The following AAAS variants were observed in gnomAD, a reference collection of about 807,000 sequenced individuals.
AAAS encodes aladin WD repeat nucleoporin.
A neutral mutation model predicts 75.6 loss-of-function variants in AAAS; 60 were observed. The observed-to-expected ratio is 0.79, with a 90% confidence interval of 0.64 to 0.98. The LOEUF (loss-of-function observed/expected upper bound fraction) is 0.98. AAAS is among the 50% of genes least tolerant of loss of function. The pLI is 0.00. For synonymous variants in AAAS, 271 were observed against 265.0 expected, an observed-to-expected ratio of 1.02 and a Z score of -0.22; for missense variants, 658 against 686.9, an observed-to-expected ratio of 0.96 and a Z score of 0.47.
chr12:53,309,983 A>C lies in AAAS; in HGVS notation c.690-262T>G, dbSNP rs1944361714. On this transcript the variant is annotated intron_variant, in intron 7 of 15. Transcript: ENST00000209873. The stretch of plus-strand genomic sequence containing the variant: ...GCCAGGGTGAAAGAGTGCTTTCACG[A>C]GATAGGCCATGAGGCAAAACCTAAC... 7.4e-6 allele frequency: 4 copies of C among 539,164 alleles called. No individual in the cohort carries two copies. The Admixed American group carries it at 1.3e-4, about 17-fold the overall frequency. 33.4% of individuals were successfully genotyped at this position (539,164 alleles called of 1,614,324 possible). A position where few individuals can be genotyped will look rare whatever the true frequency, so the allele number is the denominator to read the frequency against.
intron 7 of AAAS, among the ~76,000 whole-genome samples, chr12:53,313,164 T>C (rs1483691501): frequency 1.4e-5 from 2 of 139,704 alleles, no homozygotes; most frequent in Non-Finnish European, 3.1e-5. Flanking sequence ...CCTTTTTTTT[T>C]TTTTTTTTTT....
chr12:53,319,189 T>A (rs1944513415), intron 2 of AAAS, among the ~76,000 whole-genome samples: 1 of 151,842 alleles, frequency 6.6e-6, no homozygotes, highest in Admixed American at 6.6e-5. Context: ...TTAATAAAAA[T>A]ATTAAGTAAC....
At chr12:53,309,112 C>A in intron 9 of AAAS, 45 bp downstream of exon 9, 1 of 1,614,208 alleles carries the variant, frequency 6.2e-7, no homozygotes, top group Non-Finnish European at 8.5e-7. Context: ...GAGCTAAGTG[C>A]CTTTCTCTAG....
At chr12:53,318,245 C>CGTGCGT (rs1944494794) in intron 2 of AAAS, among the ~76,000 whole-genome samples, 4 of 78,920 alleles carry the variant, frequency 5.1e-5, no homozygotes, top group Non-Finnish European at 1.4e-4. Flanking sequence ...TGTGTGTGTG[C>CGTGCGT]GTGTGTGTGT....
At chr12:53,307,738 T>A in intron 15 of AAAS, 25 bp from the exon 16 acceptor site, 1 of 1,613,864 alleles carries the variant, frequency 6.2e-7, no homozygotes, top group Non-Finnish European at 8.5e-7. Context: ...AAGAAAAGGA[T>A]CAGAGTCTGG....
At position 53,309,620 on chromosome 12, in the gene AAAS, G is replaced by A. The variant is rs771492877; in HGVS notation, c.791C>T (p.Pro264Leu). Residue 264 changes from proline to leucine, a missense_variant, in exon 8 of 16, where the codon CCC becomes CTC. Coordinates refer to ENST00000209873, the MANE Select transcript of AAAS (RefSeq NM_015665.6). Reference sequence around the variant, plus strand: ...ACTCACCCGGATAGCAGCATCCACGGGTGAAGCTGAGAGCAGCCGCCCCCC... The same window carrying A: ...ACTCACCCGGATAGCAGCATCCACGAGTGAAGCTGAGAGCAGCCGCCCCCC... ...PSGGRLLSAS[P>L]VDAAIRVWDV... 1 of 1,613,668 alleles carries A rather than the reference G, an allele frequency of 6.2e-7. No homozygotes were observed. Among genetic ancestry groups the A allele is most frequent in the Admixed American group, 1.7e-5 (1 of 59,980 alleles).
In AAAS at chr12:53,315,727, C is replaced by A. The variant is rs770977554; in HGVS notation, c.307G>T (p.Val103Leu). ...GAAGGCTGGAGGGAAAAATACTTAC[C>A]CTCTTCTTCTGAGTTTGCAATTTCA... is the stretch of plus-strand genomic sequence containing the variant. ...LNEIANSEEE[V>L]FEWVKTASGW... Residue 103 changes from valine (V) to leucine (L), a missense_variant and splice_region_variant, in exon 3 of 16, where the codon GTG (valine) becomes TTG (leucine). Val to Leu is a conservative substitution (Grantham distance 32, BLOSUM62 1). Transcript: ENST00000209873. 6.2e-7 allele frequency: 1 copy of A among 1,613,564 alleles called. No individual in the cohort carries two copies. The highest frequency in any genetic ancestry group is 1.7e-5 in the Admixed American group (1 of 59,900).
chr12:53,313,773 T>C (rs1215117900), intron 7 of AAAS, among the ~76,000 whole-genome samples: 1 of 150,182 alleles, frequency 6.7e-6, no homozygotes, highest in Non-Finnish European at 1.5e-5. Context: ...CATGCCCAGC[T>C]AATTTTCATA....
At chr12:53,312,879 CAG>C (rs1944412339) in intron 7 of AAAS, among the ~76,000 whole-genome samples, 1 of 138,702 alleles carries the variant, frequency 7.2e-6, no homozygotes, top group Non-Finnish European at 1.5e-5. Flanking sequence ...TTTTTTGAGA[CAG>C]AGTCTTGCTT....
chr12:53,316,791 G>GA (rs1266581787), intron 2 of AAAS, among the ~76,000 whole-genome samples: 2 of 135,618 alleles, frequency 1.5e-5, no homozygotes, highest in African/African-American at 5.4e-5. Flanking sequence ...AAAAAGAAGA[G>GA]AAAAAATAGA....
intron 7 of AAAS, 62 bp from the exon 8 acceptor site, chr12:53,309,783 A>G (rs1944357801): frequency 1.3e-6 from 2 of 1,591,828 alleles, no homozygotes; most frequent in African/African-American, 1.3e-5. Flanking sequence ...CCAAAATTCT[A>G]TTTCTTTGCC....
chr12:53,320,906 T>C, intron 1 of AAAS: 1 of 607,482 alleles, frequency 1.6e-6, no homozygotes, highest in Non-Finnish European at 2.9e-6. Context: ...GCTGTGATTA[T>C]GAAACCATAT....
At chr12:53,310,147 T>TTTTC (rs1944364491) in intron 7 of AAAS, among the ~76,000 whole-genome samples, 1 of 152,204 alleles carries the variant, frequency 6.6e-6, no homozygotes, top group Admixed American at 6.5e-5. Context: ...GGTTCCAACC[T>TTTTC]TTTCTCTCCA....
chr12:53,315,217 G>C, intron 4 of AAAS, 77 bp from the exon 5 acceptor site: 1 of 1,598,800 alleles, frequency 6.3e-7, no homozygotes, highest in Non-Finnish European at 8.6e-7. Flanking sequence ...AGGGGAGCTG[G>C]ACCACTCCTA....
At chr12:53,312,827 A>C (rs7398212) in intron 7 of AAAS, among the ~76,000 whole-genome samples, 134,186 of 144,562 alleles carry the variant, frequency 0.93, 62,576 homozygotes, top group Non-Finnish European at 0.98. Context: ...ATATATATAA[A>C]ACATATATGT....
At chr12:53,318,887 G>A (rs991781847) in intron 2 of AAAS, among the ~76,000 whole-genome samples, 2 of 152,186 alleles carry the variant, frequency 1.3e-5, no homozygotes, top group African/African-American at 4.8e-5. Flanking sequence ...CTGAGAAGCA[G>A]CAGCCACAGA....
At chr12:53,314,980 A>C in intron 5 of AAAS, 114 bp downstream of exon 5, 1 of 1,484,508 alleles carries the variant, frequency 6.7e-7, no homozygotes, top group Non-Finnish European at 9.4e-7. Context: ...GAACAGGAGG[A>C]ATGAGAATAT....
intron 2 of AAAS, 131 bp from the exon 3 acceptor site, chr12:53,315,913 G>T: frequency 1.0e-6 from 1 of 963,508 alleles, no homozygotes; most frequent in Non-Finnish European, 1.6e-6. Context: ...CTATGTACCA[G>T]GCACTCTACG....
rs538293962 is a variant in AAAS at position 53,321,335 on chromosome 12, C to A, written c.123+8G>T. 6.2e-7 allele frequency: 1 copy of A among 1,613,292 alleles called. No individual in the cohort carries two copies. The highest frequency in any genetic ancestry group is 1.3e-5 in the African/African-American group (1 of 74,952). On this transcript the variant is annotated splice_region_variant and intron_variant, in intron 1 of 15. Transcript: ENST00000209873. ...CCTGTAGGTCCCCTCCCTCCTCGCCCTGGCCACCTGGCCCCGGAAGTCGGG... is the reference window on the plus strand; with the variant it reads ...CCTGTAGGTCCCCTCCCTCCTCGCCATGGCCACCTGGCCCCGGAAGTCGGG...
Sources: gnomAD v4.1 joint callset for allele counts (sites outside exome capture counted in the v4.1 genomes callset) on GRCh38, gnomAD v4.1.1 for gene constraint, MANE v1.5 for transcripts, NCBI Gene and HGNC (gene_info 2026-07-23, HGNC 2026-07-21) for gene names.